The following RNF25 variants were observed in gnomAD, a reference collection of about 807,000 sequenced individuals.
RNF25 encodes E3 ubiquitin-protein ligase RNF25.
A neutral mutation model predicts 65.0 loss-of-function variants in RNF25; 32 were observed. That is an observed-to-expected ratio of 0.49 (90% CI 0.37 to 0.66). The LOEUF (loss-of-function observed/expected upper bound fraction) is 0.66. RNF25 is among the 30% of genes least tolerant of loss of function. RNF25 has a pLI of 0.00. For missense variants in RNF25, 493 were observed against 584.8 expected, an observed-to-expected ratio of 0.84 and a Z score of 1.62; for synonymous variants, 207 against 221.2, an observed-to-expected ratio of 0.94 and a Z score of 0.57.
chr2:218,666,057 C>T lies in RNF25; in HGVS notation c.432G>A (p.Glu144=), dbSNP rs557400865. 1.2e-6 allele frequency: 2 copies of T among 1,613,686 alleles called. No individual in the cohort carries two copies. The highest frequency in any genetic ancestry group is 2.2e-5 in the East Asian group (1 of 44,860). The change falls in exon 7 of 10, where the codon GAG becomes GAA. Residue 144 remains glutamate (E), a splice_region_variant and synonymous_variant. Transcript: ENST00000295704. Reference sequence around the variant, plus strand: ...AGGGTGTTTTGGTAAAGGCCTCCTTCTCCTAGAGGGAAGGCAGATGTAGGG... The same window carrying T: ...AGGGTGTTTTGGTAAAGGCCTCCTTTTCCTAGAGGGAAGGCAGATGTAGGG... ...QCVICLYGFQ[E]KEAFTKTPCY... is the part of the protein sequence containing the mutation.
rs762988109 is a variant in RNF25 at position 218,665,249 on chromosome 2, T to TA, written c.574-3dup. On this transcript the variant is annotated splice_region_variant and splice_polypyrimidine_tract_variant and intron_variant, in intron 7 of 9. Coordinates refer to ENST00000295704, the MANE Select transcript of RNF25 (RefSeq NM_022453.3). ...TGGACACTGCACACCGACTGCCTTC[T>TA]AAAAAAGAGAAAAATCATATGCCTG... The TA allele has an allele frequency of 1.9e-6, 3 of 1,611,926 alleles. No homozygotes were observed.
intron 1 of RNF25, 54 bp downstream of exon 1, chr2:218,671,876 A>G (rs1243678978): frequency 1.2e-6 from 2 of 1,603,010 alleles, no homozygotes; most frequent in Non-Finnish European, 1.7e-6. Context: ...GACAGCTGCT[A>G]GGCCTCTGGA....
At chr2:218,669,876 T>C (rs1326839497) in intron 1 of RNF25, among the ~76,000 whole-genome samples, 1 of 152,206 alleles carries the variant, frequency 6.6e-6, no homozygotes, top group East Asian at 1.9e-4. Context: ...TACAGGCTGC[T>C]GCACTCATTG....
In RNF25 at chr2:218,663,932, T is replaced by G. The variant is rs768959233; in HGVS notation, c.*25A>C. The G allele has an allele frequency of 4.9e-6, 7 of 1,416,988 alleles. No homozygotes were observed. The East Asian group carries it at 1.7e-4, about 35-fold the overall frequency. 87.8% of individuals were successfully genotyped at this position (1,416,988 alleles called of 1,614,324 possible). ...TTATTGCCTCCCTCCCATCCCCAAT[T>G]CCCTGTTCCCCCCACCAAGTCCTGC... On this transcript the variant is annotated 3_prime_UTR_variant, in exon 10 of 10. Coordinates refer to ENST00000295704, the MANE Select transcript of RNF25 (RefSeq NM_022453.3).
At chr2:218,665,020 A>G in intron 8 of RNF25, 135 bp downstream of exon 8, 1 of 1,443,708 alleles carries the variant, frequency 6.9e-7, no homozygotes, top group Admixed American at 2.0e-5. Flanking sequence ...CCAGTGGGGG[A>G]TGTGGCTTTG....
chr2:218,668,227 T>G lies in RNF25; in HGVS notation c.219+12A>C. On this transcript the variant is annotated intron_variant, in intron 3 of 9. Transcript: ENST00000295704. ...CCTTCCTCCCTTTGCTGCCACACAG[T>G]AGGGGCTTCACCTCTGCTGGGACCT... The G allele has an allele frequency of 6.2e-7, 1 of 1,613,056 alleles. No homozygotes were observed. Among genetic ancestry groups the G allele is most frequent in the Middle Eastern group, 1.6e-4 (1 of 6,062 alleles).
At chr2:218,667,630 C>G (rs948967709) in intron 5 of RNF25, among the ~76,000 whole-genome samples, 2 of 152,100 alleles carry the variant, frequency 1.3e-5, no homozygotes, top group African/African-American at 2.4e-5. Flanking sequence ...TTGCCAGTGC[C>G]AAGAGAACAA....
At chr2:218,666,281 C>T (rs757437081) in intron 5 of RNF25, 51 bp from the exon 6 acceptor site, 6 of 1,444,958 alleles carry the variant, frequency 4.2e-6, no homozygotes, top group Non-Finnish European at 4.8e-6. Context: ...GAACGGTGAG[C>T]AAGGCCTGTC....
chr2:218,670,249 A>T (rs1256037981), intron 1 of RNF25, among the ~76,000 whole-genome samples: 3 of 151,200 alleles, frequency 2.0e-5, no homozygotes, highest in African/African-American at 7.3e-5. Context: ...GAAAACCAGT[A>T]GTCTAGATAC....
chr2:218,670,216 A>G (rs961564972), intron 1 of RNF25, among the ~76,000 whole-genome samples: 2 of 151,612 alleles, frequency 1.3e-5, no homozygotes, highest in Admixed American at 6.6e-5. Context: ...AAAAAAAAAA[A>G]AAGAAGTTTC....
Position 218,664,924 on chromosome 2 carries a change from C to G in RNF25, c.667-51G>C. On this transcript the variant is annotated intron_variant, in intron 8 of 9. Transcript: ENST00000295704. The surrounding 1 kb of genome is among the most constrained non-coding windows in gnomAD (Gnocchi z 5.1). ...AATAATGAACAGCAGAAGGCTGACT[C>G]AAACCTCTACTCCTCCCAGGCTGCC... 3 of 1,608,486 alleles carry G rather than the reference C, an allele frequency of 1.9e-6. No individual in the cohort carries two copies. The highest frequency in any genetic ancestry group is 2.5e-6 in the Non-Finnish European group (3 of 1,177,334).
Position 218,666,324 on chromosome 2 carries a change from C to T in RNF25, c.358-94G>A, listed in dbSNP as rs960698888. 5 of 1,027,254 alleles carry T rather than the reference C, an allele frequency of 4.9e-6. No individual in the cohort carries two copies. In the African/African-American group the frequency reaches 7.9e-5, roughly 16 times the overall value. 63.6% of individuals were successfully genotyped at this position (1,027,254 alleles called of 1,614,324 possible). A position where few individuals can be genotyped will look rare whatever the true frequency, so the allele number is the denominator to read the frequency against. On this transcript the variant is annotated intron_variant, in intron 5 of 9. Coordinates refer to ENST00000295704, the MANE Select transcript of RNF25 (RefSeq NM_022453.3). ...CCTAGGAGTGACTGGCTAGACTTGG[C>T]TCCTAGCAGGCCAGTTTGTTACCTT... is the stretch of plus-strand genomic sequence containing the variant.
In RNF25 at chr2:218,664,526, G is replaced by A; in HGVS notation, c.811C>T (p.Pro271Ser). ...YFISLQQPPAPAEPESAVDVS... is the reference protein window; with the variant it reads ...YFISLQQPPASAEPESAVDVS... ...TCTACAGCTGACTCAGGTTCCGCAG[G>A]GGCAGGAGGCTAGAAATAAGTGACA... Residue 271 changes from proline (P) to serine (S), a missense_variant, in exon 10 of 10, where the codon CCT becomes TCT. Pro to Ser is a moderately conservative substitution (Grantham distance 74). This residue lies in a region of RNF25 where 351 missense variants were observed against 400.2 expected (regional missense o/e 0.88). Transcript: ENST00000295704. This position sits in a 1 kb window ranked among gnomAD's most constrained non-coding sequence, Gnocchi z 5.1. 1.9e-6 allele frequency: 3 copies of A among 1,612,116 alleles called. No homozygotes were observed. The highest frequency in any genetic ancestry group is 1.7e-6 in the Non-Finnish European group (2 of 1,178,910).
intron 2 of RNF25, 54 bp from the exon 3 acceptor site, chr2:218,668,395 T>TG: frequency 3.0e-6 from 2 of 675,320 alleles, no homozygotes; most frequent in Non-Finnish European, 2.4e-6. Flanking sequence ...GCTTGGGGGC[T>TG]GGGGAGGATG....
intron 1 of RNF25, among the ~76,000 whole-genome samples, chr2:218,670,345 C>T (rs780510530): frequency 5.3e-4 from 81 of 151,938 alleles, no homozygotes; most frequent in Non-Finnish European, 9.0e-4. Flanking sequence ...TTCAATACTT[C>T]GCCCACCCTA....
chr2:218,664,986 G>T lies in RNF25; in HGVS notation c.667-113C>A. ...GCACTGGTTTTGCCCCTCAGGTCTGGGCTCCCAGAGTCTTAGGCTCCCGCC... is the reference window on the plus strand; with the variant it reads ...GCACTGGTTTTGCCCCTCAGGTCTGTGCTCCCAGAGTCTTAGGCTCCCGCC... On this transcript the variant is annotated intron_variant, in intron 8 of 9. Coordinates refer to ENST00000295704, the MANE Select transcript of RNF25 (RefSeq NM_022453.3). This position sits in a 1 kb window ranked among gnomAD's most constrained non-coding sequence, Gnocchi z 5.1. 6.6e-7 allele frequency: 1 copy of T among 1,507,054 alleles called. No individual in the cohort carries two copies. 93.4% of individuals were successfully genotyped at this position (1,507,054 alleles called of 1,614,324 possible).
At chr2:218,668,966 C>T (rs1163079611) in intron 1 of RNF25, among the ~76,000 whole-genome samples, 2 of 152,208 alleles carry the variant, frequency 1.3e-5, no homozygotes, top group African/African-American at 2.4e-5. Flanking sequence ...GGCCCAGAGC[C>T]AGGTTTCCTG....
rs114586034 is a variant in RNF25, at chr2:218,664,387, T to C, written c.950A>G (p.Glu317Gly). ...PLPVATQHICEKIPGTRSNQQ... is the reference protein window; with the variant it reads ...PLPVATQHICGKIPGTRSNQQ... ...ATTTGACCTGGTCCCTGGAATCTTC[T>C]CACATATGTGCTGGGTCGCCACAGG... The change falls in exon 10 of 10, where the codon GAG becomes GGG. Residue 317 changes from glutamate (E) to glycine (G), a missense_variant. Coordinates refer to ENST00000295704, the MANE Select transcript of RNF25 (RefSeq NM_022453.3). This position sits in a 1 kb window ranked among gnomAD's most constrained non-coding sequence, Gnocchi z 5.1. The C allele has an allele frequency of 3.8e-4, 613 of 1,614,150 alleles. No individual in the cohort carries two copies. The highest frequency in any genetic ancestry group is 4.8e-4 in the Non-Finnish European group (571 of 1,180,022).
intron 8 of RNF25, 130 bp from the exon 9 acceptor site, chr2:218,665,003 G>A: frequency 2.0e-6 from 3 of 1,467,302 alleles, no homozygotes; most frequent in South Asian, 1.2e-5. Context: ...AGAGTCTTAG[G>A]CTCCCGCCAG....
Sources: allele counts gnomAD v4.1 joint callset (sites outside exome capture counted in the v4.1 genomes callset), GRCh38; gene constraint gnomAD v4.1.1; regional missense constraint gnomAD v4.1.1; non-coding constraint Gnocchi (gnomAD v3.1); transcripts MANE v1.5; gene names NCBI Gene and HGNC (gene_info 2026-07-23, HGNC 2026-07-21).